SLC9A2: variants seen among roughly 807,000 people sequenced by gnomAD.
SLC9A2 encodes the protein sodium/hydrogen exchanger 2.
In SLC9A2, 42 loss-of-function variants were observed where a neutral mutation model predicts 71.7. The observed-to-expected ratio is 0.59, with a 90% CI of 0.46 to 0.76. The LOEUF (loss-of-function observed/expected upper bound fraction) is 0.76. Among genes scored for constraint, SLC9A2 ranks in the 30% least tolerant of loss-of-function variants. The pLI is 0.00. For missense variants in SLC9A2, 829 were observed against 1,017.4 expected (o/e 0.81, Z 2.52); for synonymous variants, 396 against 392.5 (o/e 1.01, Z -0.10).
rs1335451915 is a variant in SLC9A2, at chr2:102,694,470, A to G, written c.1482A>G (p.Lys494=). 6.5e-7 allele frequency: 1 copy of G among 1,544,676 alleles called. No homozygotes were observed. The highest frequency in any genetic ancestry group is 8.8e-7 in the Non-Finnish European group (1 of 1,135,168). Residue 494 remains lysine, a synonymous_variant, in exon 6 of 12, where the codon AAA becomes AAG. Coordinates refer to ENST00000233969, the MANE Select transcript of SLC9A2 (RefSeq NM_003048.6). The stretch of plus-strand genomic sequence containing the variant: ...TTGATGTCAAGAGGTCCAATAAGAA[A>G]CAACAAGCTGTCAGTGAAGAAATCT... ...EFLDVKRSNK[K]QQAVSEEIYC... is the part of the protein sequence containing the mutation.
chr2:102,669,951 A>G (rs528683348), intron 3 of SLC9A2, among the ~76,000 whole-genome samples: 1 of 152,304 alleles, frequency 6.6e-6, no homozygotes, highest in African/African-American at 2.4e-5. Context: ...CTTGGCCTCC[A>G]CAGCAGCAAA....
At chr2:102,682,991 C>G (rs942195295) in intron 3 of SLC9A2, among the ~76,000 whole-genome samples, 3 of 152,120 alleles carry the variant, frequency 2.0e-5, no homozygotes, top group Admixed American at 6.5e-5. Context: ...CGTCCATAGA[C>G]CTTTAAGTGT....
At chr2:102,680,354 C>A (rs1573423939) in intron 3 of SLC9A2, among the ~76,000 whole-genome samples, 1 of 151,954 alleles carries the variant, frequency 6.6e-6, no homozygotes, top group East Asian at 1.9e-4. Flanking sequence ...AAAAATTAAG[C>A]CAAAATATGA....
At chr2:102,658,337 A>G (rs1209554922) in intron 2 of SLC9A2, among the ~76,000 whole-genome samples, 5 of 152,132 alleles carry the variant, frequency 3.3e-5, no homozygotes, top group African/African-American at 9.7e-5. Context: ...AGAGGAACAT[A>G]TGATTTTGGC....
chr2:102,632,081 CAT>C (rs1242390224), intron 1 of SLC9A2, among the ~76,000 whole-genome samples: 143 of 123,510 alleles, frequency 1.2e-3, no homozygotes, highest in African/African-American at 4.6e-3. Flanking sequence ...TATATACACA[CAT>C]ATATATACAC....
intron 3 of SLC9A2, among the ~76,000 whole-genome samples, chr2:102,673,987 C>T (rs1356469497): frequency 6.6e-6 from 1 of 152,068 alleles, no homozygotes; most frequent in Non-Finnish European, 1.5e-5. Context: ...TGGGGTTTTG[C>T]CATGTTGGTC....
At chr2:102,699,518 G>A (rs1039709492) in intron 7 of SLC9A2, among the ~76,000 whole-genome samples, 1 of 152,220 alleles carries the variant, frequency 6.6e-6, no homozygotes, top group African/African-American at 2.4e-5. Context: ...TGCCAATTTG[G>A]TGCTCACTAC....
intron 1 of SLC9A2, among the ~76,000 whole-genome samples, chr2:102,655,203 C>G (rs1676913647): frequency 7.0e-6 from 1 of 142,950 alleles, no homozygotes; most frequent in Non-Finnish European, 1.5e-5. Flanking sequence ...TTCTTTATAC[C>G]CTTATTCTTT....
At chr2:102,674,785 G>A (rs951248267) in intron 3 of SLC9A2, among the ~76,000 whole-genome samples, 1 of 152,186 alleles carries the variant, frequency 6.6e-6, no homozygotes, top group Non-Finnish European at 1.5e-5. Flanking sequence ...TAGGGTGATA[G>A]GACAAGGGAC....
chr2:102,677,427 T>C (rs907498239), intron 3 of SLC9A2, among the ~76,000 whole-genome samples: 2 of 152,170 alleles, frequency 1.3e-5, no homozygotes, highest in Admixed American at 6.5e-5. Flanking sequence ...TATAGTGCTC[T>C]CCCTTCTCTG....
At position 102,632,003 on chromosome 2, in the gene SLC9A2, T is replaced by G. The variant is rs1407558815; in HGVS notation, c.289+11866T>G. The stretch of plus-strand genomic sequence containing the variant: ...TAATTAATGAAAGTGGGGATATATA[T>G]ATATATATATATATATATATATATA... On this transcript the variant is annotated intron_variant, in intron 1 of 11. Coordinates refer to ENST00000233969, the MANE Select transcript of SLC9A2 (RefSeq NM_003048.6). Among the ~76,000 whole-genome samples, 300 of 29,728 alleles carry G rather than the reference T, an allele frequency of 0.01. 12 individuals are homozygous for G. In the East Asian group the frequency reaches 0.24, roughly 23 times the overall value. The allele number at this position is 29,728 out of a possible 152,430, so 19.5% of individuals were successfully genotyped here.
chr2:102,633,573 C>T (rs1223950207), intron 1 of SLC9A2, among the ~76,000 whole-genome samples: 7 of 152,116 alleles, frequency 4.6e-5, no homozygotes, highest in Non-Finnish European at 7.4e-5. Context: ...AGAAAGTACA[C>T]TGCAACCCAA....
intron 11 of SLC9A2, among the ~76,000 whole-genome samples, chr2:102,707,442 C>T (rs1678003399): frequency 6.6e-6 from 1 of 151,862 alleles, no homozygotes; most frequent in South Asian, 2.1e-4. Context: ...GGCCCGTGGT[C>T]CCACCAGCAA....
At chr2:102,679,835 A>G (rs1677417056) in intron 3 of SLC9A2, among the ~76,000 whole-genome samples, 1 of 152,248 alleles carries the variant, frequency 6.6e-6, no homozygotes, top group Non-Finnish European at 1.5e-5. Flanking sequence ...GAGAAACACT[A>G]TTCATCAACC....
intron 2 of SLC9A2, 65 bp from the exon 3 acceptor site, chr2:102,665,034 TG>T (rs776201546): frequency 1.3e-6 from 2 of 1,535,452 alleles, no homozygotes; most frequent in Non-Finnish European, 1.8e-6. Context: ...TAGATGTGTT[TG>T]TGCCCAGAGT....
At chr2:102,641,006 G>C (rs1474451788) in intron 1 of SLC9A2, among the ~76,000 whole-genome samples, 1 of 152,152 alleles carries the variant, frequency 6.6e-6, no homozygotes, top group Admixed American at 6.5e-5. Context: ...ACATTACAAG[G>C]GTTTTAGGGG....
chr2:102,691,816 T>C (rs1317521432), intron 5 of SLC9A2, among the ~76,000 whole-genome samples: 1 of 152,166 alleles, frequency 6.6e-6, no homozygotes, highest in Non-Finnish European at 1.5e-5. Flanking sequence ...CACTTCTAGA[T>C]CATCTGTAGG....
intron 1 of SLC9A2, among the ~76,000 whole-genome samples, chr2:102,628,787 G>A (rs1189282640): frequency 6.6e-6 from 1 of 152,028 alleles, no homozygotes; most frequent in Non-Finnish European, 1.5e-5. Flanking sequence ...TAGCTCAAAT[G>A]ATTCTCCCGC....
At chr2:102,629,907 T>C (rs1000054840) in intron 1 of SLC9A2, among the ~76,000 whole-genome samples, 1 of 152,088 alleles carries the variant, frequency 6.6e-6, no homozygotes, top group African/African-American at 2.4e-5. Flanking sequence ...AGCAATGTCA[T>C]AGGCTGTTGT....
Sources: allele counts gnomAD v4.1 joint callset (sites outside exome capture counted in the v4.1 genomes callset), GRCh38; gene constraint gnomAD v4.1.1; transcripts MANE v1.5; gene names NCBI Gene and HGNC (gene_info 2026-07-23, HGNC 2026-07-21).